The following DHRS11 variants were observed in gnomAD, a reference collection of about 807,000 sequenced individuals.
DHRS11 encodes the protein dehydrogenase/reductase SDR family member 11.
A neutral mutation model predicts 30.7 loss-of-function variants in DHRS11; 18 were observed. The ratio of observed to expected loss-of-function variants is 0.59; its 90% CI spans 0.41 to 0.87. The LOEUF (loss-of-function observed/expected upper bound fraction) is 0.87. Ranked by LOEUF, DHRS11 falls within the 40% of genes least tolerant of loss-of-function variation. The pLI, the probability that DHRS11 is intolerant of heterozygous loss-of-function variation, is 0.00. For missense variants in DHRS11, 300 were observed against 349.0 expected (o/e 0.86, Z 1.12); for synonymous variants, 123 against 139.6 (o/e 0.88, Z 0.84).
chr17:36,596,623 T>C (rs143862198), intron 2 of DHRS11: 4,661 of 353,014 alleles, frequency 0.013, 40 homozygotes, highest in Non-Finnish European at 0.02. Flanking sequence ...ATTGAATAAA[T>C]GAAACTTTCC....
intron 2 of DHRS11, 132 bp downstream of exon 2, chr17:36,595,312 A>G: frequency 1.1e-6 from 1 of 872,756 alleles, no homozygotes; most frequent in Non-Finnish European, 1.8e-6. Context: ...CACCTGGGGC[A>G]TCTTGACTCT....
intron 4 of DHRS11, chr17:36,599,392 C>T (rs2074837510): frequency 1.8e-6 from 1 of 562,594 alleles, no homozygotes; most frequent in Admixed American, 3.3e-5. Flanking sequence ...GTCACTGAAC[C>T]TCCCTAAGCC....
In DHRS11 at chr17:36,598,961, T is replaced by G; in HGVS notation, c.493T>G (p.Phe165Val). The G allele has an allele frequency of 1.2e-6, 2 of 1,613,612 alleles. No individual in the cohort carries two copies. The highest frequency in any genetic ancestry group is 4.5e-5 in the East Asian group (2 of 44,876). Residue 165 changes from phenylalanine (F) to valine (V), a missense_variant, in exon 4 of 7, where the codon TTC becomes GTC. Transcript: ENST00000618403. ...AGTGTTACCCCTGTCTGTGACCCAC[T>G]TCTATAGTGCCACCAAGTATGCCGT... Reference protein sequence around the residue: ...HRVLPLSVTHFYSATKYAVTA... With the variant: ...HRVLPLSVTHVYSATKYAVTA...
At chr17:36,593,641 G>A (rs1483521050) in intron 1 of DHRS11, among the ~76,000 whole-genome samples, 1 of 152,198 alleles carries the variant, frequency 6.6e-6, no homozygotes, top group African/African-American at 2.4e-5. Context: ...GTGAAGGGGG[G>A]TTTCTGATTC....
rs959836873 is a variant in DHRS11, at chr17:36,599,382, G to C, written c.583-289G>C. 4 of 563,472 alleles carry C rather than the reference G, an allele frequency of 7.1e-6. No individual in the cohort carries two copies. In the Admixed American group the frequency reaches 9.9e-5, roughly 14 times the overall value. 34.9% of individuals were successfully genotyped at this position (563,472 alleles called of 1,614,324 possible). On this transcript the variant is annotated intron_variant, in intron 4 of 6. Coordinates refer to ENST00000618403, the MANE Select transcript of DHRS11 (RefSeq NM_024308.4). ...TTGAAGGCCGCATGATCGTGAGCGA[G>C]TCACTGAACCTCCCTAAGCCTCGGC...
rs557757134 is a variant in DHRS11, at chr17:36,598,812, G to A, written c.453-109G>A. ...TGGCCAGTAGAGGTCCCCTTTAGAA[G>A]TCTTCCCGATGGGCATCTGGGTGGT... On this transcript the variant is annotated intron_variant, in intron 3 of 6. Transcript: ENST00000618403. 2.6e-5 allele frequency: 37 copies of A among 1,436,456 alleles called. No individual in the cohort carries two copies. In the South Asian group the frequency reaches 4.4e-4, roughly 17 times the overall value. The allele number at this position is 1,436,456 out of a possible 1,614,324, so 89.0% of individuals were successfully genotyped here.
intron 3 of DHRS11, 35 bp from the exon 4 acceptor site, chr17:36,598,886 A>C: frequency 3.8e-6 from 6 of 1,591,532 alleles, no homozygotes; most frequent in Non-Finnish European, 5.1e-6. Flanking sequence ...CTGGAACTTC[A>C]TTCTCTCCTC....
chr17:36,599,100 C>T (rs371943922), intron 4 of DHRS11, 50 bp downstream of exon 4: 17 of 1,586,870 alleles, frequency 1.1e-5, no homozygotes, highest in Non-Finnish European at 1.4e-5. Context: ...CAGGCCCTCC[C>T]CACCCACACA....
In DHRS11 at chr17:36,595,044, A is replaced by G. The variant is rs1214271819; in HGVS notation, c.221A>G (p.Glu74Gly). 6.2e-7 allele frequency: 1 copy of G among 1,614,194 alleles called. No homozygotes were observed. Among genetic ancestry groups the G allele is most frequent in the Admixed American group, 1.7e-5 (1 of 60,026 alleles). The change falls in exon 2 of 7, where the codon GAA becomes GGA. Residue 74 changes from glutamate to glycine, a missense_variant. Glu to Gly is a moderately conservative substitution (Grantham distance 98, BLOSUM62 -2). Coordinates refer to ENST00000618403, the MANE Select transcript of DHRS11 (RefSeq NM_024308.4). ...CCCTACAGATGTGACCTATCAAATG[A>G]AGAGGACATCCTCTCCATGTTCTCA... ...LIPYRCDLSN[E>G]EDILSMFSAI... is the part of the protein sequence containing the mutation.
intron 2 of DHRS11, chr17:36,596,677 C>A: frequency 2.3e-6 from 1 of 426,018 alleles, no homozygotes; most frequent in Non-Finnish European, 4.9e-6. Flanking sequence ...AAACTGTGCA[C>A]AGGCCAAACC....
At position 36,592,444 on chromosome 17, in the gene DHRS11, T is replaced by C. The variant is rs1200504218; in HGVS notation, c.147+288T>C. On this transcript the variant is annotated intron_variant, in intron 1 of 6. Transcript: ENST00000618403. This position sits in a 1 kb window ranked among gnomAD's most constrained non-coding sequence, Gnocchi z 4.4. ...AAGCCGGAGGTCGGGGGTGGTGGTCTCGCCCCTGTGGCCTTCTCGCCCCCG... is the reference window on the plus strand; with the variant it reads ...AAGCCGGAGGTCGGGGGTGGTGGTCCCGCCCCTGTGGCCTTCTCGCCCCCG... 6.6e-6 allele frequency among the ~76,000 whole-genome samples: 1 copy of C among 152,170 alleles called. No individual in the cohort carries two copies. The highest frequency in any genetic ancestry group is 1.5e-5 in the Non-Finnish European group (1 of 68,024).
chr17:36,600,637 C>T lies in DHRS11; in HGVS notation c.*434C>T, dbSNP rs572908240. 2 of 258,720 alleles carry T rather than the reference C, an allele frequency of 7.7e-6. No individual in the cohort carries two copies. Among genetic ancestry groups the T allele is most frequent in the Non-Finnish European group, 1.5e-5 (2 of 132,566 alleles). The allele number at this position is 258,720 out of a possible 1,614,324, so 16.0% of individuals were successfully genotyped here. ...ACTTCCTCCTCTGCCTGCCCCACTGCACCCTCTCCCCCTTATCTATCTCCT... is the reference window on the plus strand; with the variant it reads ...ACTTCCTCCTCTGCCTGCCCCACTGTACCCTCTCCCCCTTATCTATCTCCT... On this transcript the variant is annotated 3_prime_UTR_variant, in exon 7 of 7. Coordinates refer to ENST00000618403, the MANE Select transcript of DHRS11 (RefSeq NM_024308.4).
At chr17:36,596,619 T>A (rs1273757457) in intron 2 of DHRS11, 7 of 351,460 alleles carry the variant, frequency 2.0e-5, no homozygotes, top group African/African-American at 1.5e-4. Flanking sequence ...AGTTATTGAA[T>A]AAATGAAACT....
chr17:36,597,851 T>G, intron 2 of DHRS11: 1 of 498,620 alleles, frequency 2.0e-6, no homozygotes. Flanking sequence ...CTACTGTTCA[T>G]AGAGGAGATG....
rs535286606 is a variant in DHRS11 at position 36,592,950 on chromosome 17, C to A, written c.147+794C>A. Among the ~76,000 whole-genome samples, 11 of 152,120 alleles carry A rather than the reference C, an allele frequency of 7.2e-5. No individual in the cohort carries two copies. The South Asian group carries it at 1.5e-3, about 20-fold the overall frequency. On this transcript the variant is annotated intron_variant, in intron 1 of 6. Coordinates refer to ENST00000618403, the MANE Select transcript of DHRS11 (RefSeq NM_024308.4). The surrounding 1 kb of genome is among the most constrained non-coding windows in gnomAD (Gnocchi z 4.4). ...CTCAGGCAGGGAAAGGGTAAGGAGGCCTTGGGTGGGGGCAGAGGGAGAAGG... is the reference window on the plus strand; with the variant it reads ...CTCAGGCAGGGAAAGGGTAAGGAGGACTTGGGTGGGGGCAGAGGGAGAAGG...
At position 36,592,795 on chromosome 17, in the gene DHRS11, A is replaced by G. The variant is rs1021456686; in HGVS notation, c.147+639A>G. Among the ~76,000 whole-genome samples, 5 of 152,074 alleles carry G rather than the reference A, an allele frequency of 3.3e-5. No homozygotes were observed. The highest frequency in any genetic ancestry group is 7.4e-5 in the Non-Finnish European group (5 of 68,012). On this transcript the variant is annotated intron_variant, in intron 1 of 6. Coordinates refer to ENST00000618403, the MANE Select transcript of DHRS11 (RefSeq NM_024308.4). This position sits in a 1 kb window ranked among gnomAD's most constrained non-coding sequence, Gnocchi z 4.4. ...GGGAGCCCTCAGAGCTCAGAGAAAA[A>G]TCAAGATGGCCATTTTGGAGCAGGG...
Position 36,592,125 on chromosome 17 carries a change from TG to T in DHRS11, c.119del (p.Gly40AlafsTer25). On this transcript the variant is annotated frameshift_variant, in exon 1 of 7. Transcript: ENST00000618403. LOFTEE classifies it high-confidence loss of function. The surrounding 1 kb of genome is among the most constrained non-coding windows in gnomAD (Gnocchi z 4.4). ...RALVQQGLKV[V>X]GCARTVGNIE... The stretch of plus-strand genomic sequence containing the variant: ...CTGGTCCAGCAGGGACTGAAGGTGG[TG>T]GGCTGCGCCCGCACTGTGGGCAACA... The T allele has an allele frequency of 7.8e-7, 1 of 1,277,648 alleles. No individual in the cohort carries two copies. The allele number at this position is 1,277,648 out of a possible 1,614,324, so 79.1% of individuals were successfully genotyped here. A position where few individuals can be genotyped will look rare whatever the true frequency, so the allele number is the denominator to read the frequency against.
In DHRS11 at chr17:36,598,167, A is replaced by G. The variant is rs2074826319; in HGVS notation, c.362A>G (p.Asn121Ser). The change falls in exon 3 of 7, where the codon AAC becomes AGC. Residue 121 changes from asparagine (N) to serine (S), a missense_variant. Coordinates refer to ENST00000618403, the MANE Select transcript of DHRS11 (RefSeq NM_024308.4). ...TSGWKDMFNV[N>S]VLALSICTRE... ...ATTGCCCTCCCTGGCCTGCAGGTGAACGTGCTGGCCCTCAGCATCTGCACA... is the reference window on the plus strand; with the variant it reads ...ATTGCCCTCCCTGGCCTGCAGGTGAGCGTGCTGGCCCTCAGCATCTGCACA... 6.2e-7 allele frequency: 1 copy of G among 1,614,018 alleles called. No homozygotes were observed. The highest frequency in any genetic ancestry group is 1.3e-5 in the African/African-American group (1 of 75,030).
intron 2 of DHRS11, chr17:36,596,444 G>A (rs2074811665): frequency 5.5e-6 from 1 of 181,726 alleles, no homozygotes. Context: ...ACAGGTGTGA[G>A]CCACCACGCC....
Sources: allele counts gnomAD v4.1 joint callset (sites outside exome capture counted in the v4.1 genomes callset), GRCh38; gene constraint gnomAD v4.1.1; non-coding constraint Gnocchi (gnomAD v3.1); transcripts MANE v1.5; gene names NCBI Gene and HGNC (gene_info 2026-07-23, HGNC 2026-07-21).